PTPN3: variants seen among roughly 807,000 people sequenced by gnomAD.
The protein encoded by PTPN3 is tyrosine-protein phosphatase non-receptor type 3.
In PTPN3, 96 loss-of-function variants were observed where a neutral mutation model predicts 132.7. The ratio of observed to expected loss-of-function variants is 0.72; its 90% CI spans 0.61 to 0.86. The LOEUF (loss-of-function observed/expected upper bound fraction) is 0.86, where lower values mean the gene tolerates loss of function less well. PTPN3 is among the 40% of genes least tolerant of loss of function. PTPN3 has a pLI of 0.00. For synonymous variants in PTPN3, 398 were observed against 429.0 expected (o/e 0.93, Z 0.89); for missense variants, 1,125 against 1,159.6 (o/e 0.97, Z 0.43).
In PTPN3 at chr9:109,419,613, T is replaced by C. The variant is rs4076858; in HGVS notation, c.1313+811A>G. 3.0e-3 allele frequency among the ~76,000 whole-genome samples: 450 copies of C among 151,912 alleles called. 2 individuals are homozygous for C. The highest frequency in any genetic ancestry group is 5.3e-3 in the Non-Finnish European group (359 of 67,976). ...TACAGATATGTAACTATGAATCCAT[T>C]AAAATAAGAAAAAAAAGACCCATAT... is the stretch of plus-strand genomic sequence containing the variant. On this transcript the variant is annotated intron_variant, in intron 14 of 25. Transcript: ENST00000374541.
intron 8 of PTPN3, 47 bp downstream of exon 8, chr9:109,438,064 GAAA>G: frequency 6.4e-7 from 1 of 1,567,858 alleles, no homozygotes; most frequent in Non-Finnish European, 8.6e-7. Flanking sequence ...TATGATGTCT[GAAA>G]ATACCCAACC....
chr9:109,384,023 C>A (rs1049364436), intron 22 of PTPN3, among the ~76,000 whole-genome samples: 1 of 152,148 alleles, frequency 6.6e-6, no homozygotes, highest in Non-Finnish European at 1.5e-5. Context: ...TACACAACTC[C>A]GCTGGGATCC....
intron 8 of PTPN3, among the ~76,000 whole-genome samples, chr9:109,437,717 G>C (rs1351504171): frequency 6.6e-6 from 1 of 152,102 alleles, no homozygotes; most frequent in East Asian, 1.9e-4. Context: ...GGTCAGCACT[G>C]TACGTCCATC....
chr9:109,512,971 C>G, the PTPN3 span, among the ~76,000 whole-genome samples: 2 of 152,286 alleles, frequency 1.3e-5, no homozygotes, highest in African/African-American at 4.8e-5. Flanking sequence ...CTTTGACTAG[C>G]CCTGGCTCAA....
chr9:109,435,453 C>T (rs184905240), intron 9 of PTPN3, among the ~76,000 whole-genome samples: 20 of 152,340 alleles, frequency 1.3e-4, no homozygotes, highest in African/African-American at 4.8e-4. Flanking sequence ...GACATGGAAG[C>T]AGCCTCGACT....
chr9:109,483,314 A>T (rs1267165806), intron 1 of PTPN3, among the ~76,000 whole-genome samples: 1 of 152,148 alleles, frequency 6.6e-6, no homozygotes, highest in African/African-American at 2.4e-5. Flanking sequence ...CCAGTGCCCC[A>T]GCTCGGTGCT....
intron 19 of PTPN3, among the ~76,000 whole-genome samples, chr9:109,396,082 G>A (rs190949362): frequency 5.3e-4 from 81 of 152,190 alleles, no homozygotes; most frequent in African/African-American, 1.9e-3. Flanking sequence ...AGCTGGTCTT[G>A]AACTTCTGCA....
At chr9:109,392,050 C>T (rs987550733) in intron 19 of PTPN3, among the ~76,000 whole-genome samples, 12 of 152,112 alleles carry the variant, frequency 7.9e-5, no homozygotes, top group Admixed American at 2.0e-4. Flanking sequence ...ATATATAGTA[C>T]ATTTCATTTA....
At chr9:109,412,534 C>T (rs1019466704) in intron 14 of PTPN3, among the ~76,000 whole-genome samples, 89 of 152,242 alleles carry the variant, frequency 5.8e-4, no homozygotes, top group Middle Eastern at 3.4e-3. Context: ...CCACCACACC[C>T]GGCTAATTTT....
chr9:109,527,619 T>C, the PTPN3 span, among the ~76,000 whole-genome samples: 1 of 152,226 alleles, frequency 6.6e-6, no homozygotes, highest in Non-Finnish European at 1.5e-5. Flanking sequence ...AGAAGAATTG[T>C]AATGTTCCCA....
At chr9:109,408,788 A>ATATATAT (rs1300361920) in intron 16 of PTPN3, among the ~76,000 whole-genome samples, 142 of 52,844 alleles carry the variant, frequency 2.7e-3, no homozygotes, top group Admixed American at 0.012. Context: ...AATTAAAAAA[A>ATATATAT]AAAAAAAAAT....
At chr9:109,383,938 T>TC (rs1190437160) in intron 22 of PTPN3, among the ~76,000 whole-genome samples, 6 of 122,446 alleles carry the variant, frequency 4.9e-5, no homozygotes, top group Non-Finnish European at 1.7e-5. Context: ...CCTGCACCCC[T>TC]CCTCCACCAT....
chr9:109,532,837 G>A, the PTPN3 span: 1 of 1,011,714 alleles, frequency 9.9e-7, no homozygotes, highest in South Asian at 2.9e-5. Context: ...AATTTACTCA[G>A]CCCCGCCCTG....
intron 1 of PTPN3, among the ~76,000 whole-genome samples, chr9:109,465,706 C>CAAA (rs34634972): frequency 0.012 from 755 of 63,892 alleles, 32 homozygotes; most frequent in African/African-American, 0.02. Flanking sequence ...AACTCTGTCT[C>CAAA]AAAAAAAAAA....
At chr9:109,461,355 A>T (rs771873705) in intron 2 of PTPN3, among the ~76,000 whole-genome samples, 1 of 152,282 alleles carries the variant, frequency 6.6e-6, no homozygotes, top group South Asian at 2.1e-4. Flanking sequence ...TTTAACACAC[A>T]TCGTAGGAGC....
chr9:109,412,179 C>T (rs1227407975), intron 14 of PTPN3, among the ~76,000 whole-genome samples: 1 of 152,018 alleles, frequency 6.6e-6, no homozygotes, highest in African/African-American at 2.4e-5. Flanking sequence ...ACCTCTGTCT[C>T]CCTCTCTCTC....
chr9:109,510,558 TAAAAAAAA>T, the PTPN3 span, among the ~76,000 whole-genome samples: 179 of 73,920 alleles, frequency 2.4e-3, 2 homozygotes, highest in Admixed American at 2.7e-3. Context: ...AACTTTGTCT[TAAAAAAAA>T]AAAAAAAAAA....
chr9:109,417,917 T>C, intron 14 of PTPN3: 1 of 390,200 alleles, frequency 2.6e-6, no homozygotes, highest in Non-Finnish European at 3.5e-6. Context: ...GAAGACTCAT[T>C]GTGCAATGTA....
At chr9:109,509,808 G>A in the PTPN3 span, among the ~76,000 whole-genome samples, 2 of 151,924 alleles carry the variant, frequency 1.3e-5, no homozygotes, top group African/African-American at 4.8e-5. Context: ...TGTAGTTGAT[G>A]TTGGGTTCCT....
Sources: allele counts gnomAD v4.1 joint callset (sites outside exome capture counted in the v4.1 genomes callset), GRCh38; gene constraint gnomAD v4.1.1; transcripts MANE v1.5; gene names NCBI Gene and HGNC (gene_info 2026-07-23, HGNC 2026-07-21).